Variants in RIPOR2 observed in about 807,000 individuals in gnomAD.
RIPOR2 encodes RHO family interacting cell polarization regulator 2.
A neutral mutation model predicts 114.5 loss-of-function variants in RIPOR2; 39 were observed. The observed-to-expected ratio is 0.34, with a 90% CI of 0.26 to 0.44. The LOEUF is 0.44. Among genes scored for constraint, RIPOR2 ranks in the 20% least tolerant of loss-of-function variants. RIPOR2 has a pLI of 1.00. For missense variants in RIPOR2, 1,007 were observed against 1,255.1 expected (o/e 0.80, Z 2.99); for synonymous variants, 445 against 484.4 (o/e 0.92, Z 1.07).
chr6:24,992,696 C>T (rs578127998), intron 1 of RIPOR2, among the ~76,000 whole-genome samples: 1 of 152,282 alleles, frequency 6.6e-6, no homozygotes, highest in East Asian at 1.9e-4. Context: ...TAACATTCTT[C>T]ACAGAACTAG....
At chr6:24,839,599 T>A (rs1273910943) in intron 13 of RIPOR2, 6 of 1,536,770 alleles carry the variant, frequency 3.9e-6, no homozygotes, top group Non-Finnish European at 4.4e-6. Flanking sequence ...CTTCTCTACT[T>A]CTGTTTGAAA....
At chr6:24,862,440 G>A (rs927389107) in intron 7 of RIPOR2, among the ~76,000 whole-genome samples, 2 of 152,108 alleles carry the variant, frequency 1.3e-5, no homozygotes, top group African/African-American at 4.8e-5. Context: ...CAGCCTAGAG[G>A]TTCTGATTCT....
At chr6:25,024,311 T>C in intron 1 of RIPOR2, 1 of 1,516,882 alleles carries the variant, frequency 6.6e-7, no homozygotes, top group South Asian at 1.1e-5. Context: ...TGAACACCTT[T>C]TTGGCCCCAA....
At chr6:24,835,341 T>C (rs1761028037) in intron 15 of RIPOR2, among the ~76,000 whole-genome samples, 1 of 152,198 alleles carries the variant, frequency 6.6e-6, no homozygotes, top group South Asian at 2.1e-4. Flanking sequence ...TTGACATTCA[T>C]GTTAATATAT....
intron 15 of RIPOR2, among the ~76,000 whole-genome samples, chr6:24,834,676 C>T (rs545778517): frequency 2.6e-4 from 39 of 152,098 alleles, no homozygotes; most frequent in South Asian, 2.1e-3. Context: ...CAGGCTGGAG[C>T]GCAGTGGTGC....
intron 1 of RIPOR2, among the ~76,000 whole-genome samples, chr6:24,990,012 T>C (rs9295640): frequency 0.62 from 93,695 of 151,762 alleles, 29,081 homozygotes; most frequent in East Asian, 0.81. Flanking sequence ...CCCTGGGCTA[T>C]AGCATGAGTC....
At chr6:25,036,390 T>C (rs1777258182) in intron 1 of RIPOR2, among the ~76,000 whole-genome samples, 1 of 151,874 alleles carries the variant, frequency 6.6e-6, no homozygotes, top group South Asian at 2.1e-4. Flanking sequence ...CGGGTTTTTG[T>C]TTTGTTTTGT....
intron 1 of RIPOR2, chr6:25,015,615 C>T (rs898096583): frequency 6.6e-6 from 1 of 152,168 alleles, no homozygotes; most frequent in African/African-American, 2.4e-5. Context: ...TTTACCAAAT[C>T]CTCATTTCCT....
intron 5 of RIPOR2, 98 bp downstream of exon 5, chr6:24,870,768 C>T (rs1455831708): frequency 4.8e-6 from 4 of 828,578 alleles, no homozygotes; most frequent in Non-Finnish European, 7.8e-6. Flanking sequence ...CCCACCTCGG[C>T]CTCCCAAAGT....
At chr6:24,978,960 C>T (rs1273609812) in intron 1 of RIPOR2, among the ~76,000 whole-genome samples, 1 of 152,194 alleles carries the variant, frequency 6.6e-6, no homozygotes, top group Non-Finnish European at 1.5e-5. Context: ...ACCTCACCTA[C>T]TGCATATATT....
chr6:24,970,213 A>G (rs535178624), intron 1 of RIPOR2, among the ~76,000 whole-genome samples: 11 of 152,220 alleles, frequency 7.2e-5, no homozygotes, highest in African/African-American at 2.6e-4. Context: ...AAACAGAGAC[A>G]TCTGGTTCAG....
At chr6:25,019,487 C>T (rs1376429347) in intron 1 of RIPOR2, among the ~76,000 whole-genome samples, 1 of 151,774 alleles carries the variant, frequency 6.6e-6, no homozygotes, top group Admixed American at 6.6e-5. Flanking sequence ...AAAGAGAGGT[C>T]GGCGGGGCGC....
At chr6:24,976,313 A>C (rs1774039907) in intron 1 of RIPOR2, 1 of 765,454 alleles carries the variant, frequency 1.3e-6, no homozygotes, top group African/African-American at 1.8e-5. Flanking sequence ...CAACCACTTA[A>C]ATTGTGTTTT....
chr6:25,016,428 G>A (rs905789245), intron 1 of RIPOR2, among the ~76,000 whole-genome samples: 1 of 152,152 alleles, frequency 6.6e-6, no homozygotes, highest in African/African-American at 2.4e-5. Context: ...GAAACCACAG[G>A]AACTCTATTC....
chr6:24,977,860 A>G (rs1343977521), intron 1 of RIPOR2, among the ~76,000 whole-genome samples: 2 of 152,214 alleles, frequency 1.3e-5, no homozygotes, highest in Non-Finnish European at 2.9e-5. Flanking sequence ...ACCTCCATGT[A>G]TTCATCTAAA....
chr6:24,836,612 C>T (rs1301213052), intron 14 of RIPOR2, among the ~76,000 whole-genome samples: 1 of 152,180 alleles, frequency 6.6e-6, no homozygotes, highest in Non-Finnish European at 1.5e-5. Context: ...TGTCCTGGTT[C>T]ACACAGCTAG....
intron 1 of RIPOR2, among the ~76,000 whole-genome samples, chr6:24,960,190 G>A (rs988610836): frequency 6.6e-6 from 1 of 152,156 alleles, no homozygotes; most frequent in Non-Finnish European, 1.5e-5. Context: ...TGTTTGTATT[G>A]CTACAACAAA....
chr6:24,912,669 G>A (rs184417848), intron 1 of RIPOR2, among the ~76,000 whole-genome samples: 30 of 152,256 alleles, frequency 2.0e-4, no homozygotes, highest in East Asian at 3.9e-4. Flanking sequence ...TGAGTAAAGC[G>A]CTACTACGGA....
chr6:24,879,160 T>C (rs563578321), intron 1 of RIPOR2, among the ~76,000 whole-genome samples: 3 of 89,726 alleles, frequency 3.3e-5, no homozygotes, highest in Non-Finnish European at 6.6e-5. Context: ...GCCAACATGG[T>C]GAAACCCCAT....
Sources: gnomAD v4.1 joint callset for allele counts (sites outside exome capture counted in the v4.1 genomes callset) on GRCh38, gnomAD v4.1.1 for gene constraint, MANE v1.5 for transcripts, NCBI Gene and HGNC (gene_info 2026-07-23, HGNC 2026-07-21) for gene names.